Variants in ERCC2 observed in about 807,000 individuals in gnomAD.
ERCC2 encodes general transcription and DNA repair factor IIH helicase subunit XPD.
ERCC2 carries 90 observed loss-of-function variants against 99.4 expected under a neutral mutation model. The observed-to-expected ratio is 0.91, with a 90% CI of 0.76 to 1.08. ERCC2 has a LOEUF of 1.08. ERCC2 is among the 50% of genes least tolerant of loss of function. ERCC2 has a pLI of 0.00. For synonymous variants in ERCC2, 497 were observed against 432.4 expected (o/e 1.15, Z -1.85); for missense variants, 993 against 1,038.1 (o/e 0.96, Z 0.60).
At chr19:45,358,480 A>C in intron 12 of ERCC2, 1 of 306,130 alleles carries the variant, frequency 3.3e-6, no homozygotes, top group Non-Finnish European at 6.2e-6. Context: ...AGCCAGAGGG[A>C]CCCTAGGGAA....
Position 45,349,862 on chromosome 19 carries a change from TCACTGTGGCC to T in ERCC2, c.*1757_*1766del. ...TGGCAGCAGCAGACATTTATTGAGC[TCACTGTGGCC>T]GGCTCCCCTCTTAGCCCGGTCCCCA... is the stretch of plus-strand genomic sequence containing the variant. On this transcript the variant is annotated 3_prime_UTR_variant, in exon 23 of 23. Transcript: ENST00000391945. 1 of 504,316 alleles carries T rather than the reference TCACTGTGGCC, an allele frequency of 2.0e-6. No homozygotes were observed. Among genetic ancestry groups the T allele is most frequent in the Non-Finnish European group, 3.5e-6 (1 of 284,384 alleles). The allele number at this position is 504,316 out of a possible 1,614,324, so 31.2% of individuals were successfully genotyped here. A position where few individuals can be genotyped will look rare whatever the true frequency, so the allele number is the denominator to read the frequency against.
At position 45,365,542 on chromosome 19, in the gene ERCC2, T is replaced by C. The variant is rs189270293; in HGVS notation, c.361-384A>G. On this transcript the variant is annotated intron_variant, in intron 5 of 22. Transcript: ENST00000391945. ...AGGAGAATCGCTTGTATCCGGGAGG[T>C]GGAGGTTGCAGTGAGCAGAGATCGT... 2.1e-3 allele frequency among the ~76,000 whole-genome samples: 312 copies of C among 146,234 alleles called. 2 individuals carry two copies. Among genetic ancestry groups the C allele is most frequent in the Admixed American group, 8.1e-3 (119 of 14,710 alleles).
At chr19:45,359,834 G>C (rs1007353077) in intron 12 of ERCC2, among the ~76,000 whole-genome samples, 1 of 151,410 alleles carries the variant, frequency 6.6e-6, no homozygotes, top group Non-Finnish European at 1.5e-5. Context: ...AGTGCAGCTG[G>C]TGTGATCTCG....
chr19:45,359,213 G>T (rs1972123195), intron 12 of ERCC2, among the ~76,000 whole-genome samples: 1 of 152,138 alleles, frequency 6.6e-6, no homozygotes, highest in African/African-American at 2.4e-5. Context: ...GGGGGAGGTG[G>T]TTGGGGGATG....
chr19:45,354,655 G>GGAAT, intron 17 of ERCC2, 75 bp downstream of exon 17: 1 of 1,585,146 alleles, frequency 6.3e-7, no homozygotes, highest in Non-Finnish European at 8.6e-7. Flanking sequence ...GAGTGTGAGA[G>GGAAT]GAATGAAGCT....
rs1971683896 is a variant in ERCC2 at position 45,350,481 on chromosome 19, C to T, written c.*1148G>A. On this transcript the variant is annotated 3_prime_UTR_variant, in exon 23 of 23. Coordinates refer to ENST00000391945, the MANE Select transcript of ERCC2 (RefSeq NM_000400.4). Reference sequence around the variant, plus strand: ...TTCCCTCCTGGTGGCTTCTCTATGTCCCCATCTCAGTGTCCCCCATCTTTC... The same window carrying T: ...TTCCCTCCTGGTGGCTTCTCTATGTTCCCATCTCAGTGTCCCCCATCTTTC... The T allele has an allele frequency of 1.2e-6, 2 of 1,613,406 alleles. No homozygotes were observed. The highest frequency in any genetic ancestry group is 1.7e-6 in the Non-Finnish European group (2 of 1,179,622).
chr19:45,357,192 TG>T, intron 15 of ERCC2, 77 bp downstream of exon 15: 4 of 1,027,870 alleles, frequency 3.9e-6, no homozygotes, highest in Non-Finnish European at 6.0e-6. Flanking sequence ...GCCTGAGCAG[TG>T]GGGGAAGCCA....
intron 21 of ERCC2, 48 bp downstream of exon 21, chr19:45,352,458 G>A: frequency 6.2e-7 from 1 of 1,614,038 alleles, no homozygotes; most frequent in African/African-American, 1.3e-5. Flanking sequence ...AAACAGCCTG[G>A]TTCTTGGAGC....
At chr19:45,355,765 A>C in intron 15 of ERCC2, 37 bp from the exon 16 acceptor site, 1 of 1,581,528 alleles carries the variant, frequency 6.3e-7, no homozygotes, top group African/African-American at 1.3e-5. Flanking sequence ...GCGAGGCAGC[A>C]GCAACTGCTC....
At chr19:45,360,616 G>T (rs940968029) in intron 12 of ERCC2, among the ~76,000 whole-genome samples, 7 of 152,058 alleles carry the variant, frequency 4.6e-5, no homozygotes, top group Admixed American at 1.3e-4. Context: ...GACCTCAAGT[G>T]ATCTGCCCAC....
In ERCC2 at chr19:45,351,510, G is replaced by GT; in HGVS notation, c.*118dup. The GT allele has an allele frequency of 6.7e-7, 1 of 1,483,578 alleles. No individual in the cohort carries two copies. Among genetic ancestry groups the GT allele is most frequent in the Non-Finnish European group, 9.2e-7 (1 of 1,082,474 alleles). 91.9% of individuals were successfully genotyped at this position (1,483,578 alleles called of 1,614,324 possible). A position where few individuals can be genotyped will look rare whatever the true frequency, so the allele number is the denominator to read the frequency against. ...TCTCCTGCGATTAAAGGCTGTGGAC[G>GT]TGACAGTGAGAAATGTCACCTGACT... On this transcript the variant is annotated 3_prime_UTR_variant, in exon 23 of 23. Transcript: ENST00000391945.
rs373051580 is a variant in ERCC2 at position 45,364,822 on chromosome 19, C to T, written c.594+16G>A. 4 of 1,591,724 alleles carry T rather than the reference C, an allele frequency of 2.5e-6. No homozygotes were observed. Among genetic ancestry groups the T allele is most frequent in the Non-Finnish European group, 3.4e-6 (4 of 1,159,918 alleles). On this transcript the variant is annotated intron_variant, in intron 7 of 22. Coordinates refer to ENST00000391945, the MANE Select transcript of ERCC2 (RefSeq NM_000400.4). ...CCTCACACTCGCCCCTCTGCCCATC[C>T]CACCAGCCTCCTCACTGAGTATCGA... is the stretch of plus-strand genomic sequence containing the variant.
At chr19:45,370,436 TC>T in intron 1 of ERCC2, 99 bp downstream of exon 1, 2 of 476,692 alleles carry the variant, frequency 4.2e-6, no homozygotes, top group Non-Finnish European at 3.0e-6. Context: ...CCCTTCACCC[TC>T]CCCTCGCCCC....
rs551083022 is a variant in ERCC2, at chr19:45,352,930, C to T, written c.1832-114G>A. On this transcript the variant is annotated intron_variant, in intron 19 of 22. Coordinates refer to ENST00000391945, the MANE Select transcript of ERCC2 (RefSeq NM_000400.4). ...GAGTTGGGGGGAGAGGGTGTGTTCC[C>T]GCCGGGTGCCTAGGGACAGAGGGGA... The T allele has an allele frequency of 9.9e-5, 123 of 1,241,118 alleles. 2 individuals are homozygous for T. In the South Asian group the frequency reaches 1.0e-3, roughly 10 times the overall value. The allele number at this position is 1,241,118 out of a possible 1,614,324, so 76.9% of individuals were successfully genotyped here.
In ERCC2 at chr19:45,370,565, G is replaced by C. The variant is rs748551393; in HGVS notation, c.-25C>G. The C allele has an allele frequency of 6.3e-7, 1 of 1,591,074 alleles. No individual in the cohort carries two copies. Among genetic ancestry groups the C allele is most frequent in the South Asian group, 1.1e-5 (1 of 88,804 alleles). ...TGGCGCCGGCCGGACTGTGCAGCGG[G>C]GTCGACCCGCCTCCCTCATGAATAT... On this transcript the variant is annotated 5_prime_UTR_variant, in exon 1 of 23. Coordinates refer to ENST00000391945, the MANE Select transcript of ERCC2 (RefSeq NM_000400.4).
At chr19:45,362,374 C>T (rs969279133) in intron 11 of ERCC2, among the ~76,000 whole-genome samples, 8 of 152,214 alleles carry the variant, frequency 5.3e-5, no homozygotes, top group Non-Finnish European at 7.3e-5. Context: ...CACACGGTGT[C>T]GGAACCCCAT....
chr19:45,366,288 A>G (rs1416719923), intron 5 of ERCC2, among the ~76,000 whole-genome samples: 1 of 151,954 alleles, frequency 6.6e-6, no homozygotes, highest in Admixed American at 6.6e-5. Context: ...GATTACAGAC[A>G]TGTGCCACCA....
rs369131208 is a variant in ERCC2 at position 45,350,689 on chromosome 19, C to T, written c.*940G>A. 41 of 1,613,682 alleles carry T rather than the reference C, an allele frequency of 2.5e-5. No individual in the cohort carries two copies. Among genetic ancestry groups the T allele is most frequent in the East Asian group, 6.7e-5 (3 of 44,854 alleles). ...CTCCAAGATCCGTGAGTCTATCAGG[C>T]GAGGAAGTGAGAAGCTGGTCTCCCG... On this transcript the variant is annotated 3_prime_UTR_variant, in exon 23 of 23. Transcript: ENST00000391945.
chr19:45,357,770 C>G, intron 12 of ERCC2, 71 bp from the exon 13 acceptor site: 1 of 1,365,530 alleles, frequency 7.3e-7, no homozygotes, highest in South Asian at 1.2e-5. Flanking sequence ...CAGTCATTCC[C>G]TCTCCTGCTC....
Sources: allele counts gnomAD v4.1 joint callset (sites outside exome capture counted in the v4.1 genomes callset), GRCh38; gene constraint gnomAD v4.1.1; transcripts MANE v1.5; gene names NCBI Gene and HGNC (gene_info 2026-07-23, HGNC 2026-07-21).